Variants in GRM4 observed in about 807,000 individuals in gnomAD.
GRM4 encodes the protein glutamate metabotropic receptor 4.
GRM4 carries 28 observed loss-of-function variants against 81.7 expected under a neutral mutation model. The observed-to-expected ratio is 0.34, with a 90% confidence interval of 0.25 to 0.47. GRM4 has a LOEUF of 0.47. Among genes scored for constraint, GRM4 ranks in the 20% least tolerant of loss-of-function variants. The pLI is 1.00. For synonymous variants in GRM4, 488 were observed against 528.8 expected, an observed-to-expected ratio of 0.92 and a Z score of 1.06; for missense variants, 948 against 1,290.0, an observed-to-expected ratio of 0.73 and a Z score of 4.06.
chr6:34,079,569 C>T (rs1767479244), intron 3 of GRM4, among the ~76,000 whole-genome samples: 1 of 152,152 alleles, frequency 6.6e-6, no homozygotes, highest in Non-Finnish European at 1.5e-5. Context: ...GAAGAGACTG[C>T]ACTTCACAGA....
chr6:34,155,401 T>C, exon 1 of GRM4: 1 of 1,479,698 alleles, frequency 6.8e-7, no homozygotes, highest in Non-Finnish European at 9.0e-7. Context: ...CCTCCCACTC[T>C]CAGCATCTCC....
Position 34,068,125 on chromosome 6 carries a change from G to A in GRM4, c.737-6097C>T, listed in dbSNP as rs1487912627. ...AACATCCTGGAATCGGTGCAGAGGA[G>A]GACAGCAGCAGCATGACGTGCTGGA... On this transcript the variant is annotated intron_variant, in intron 3 of 10. Coordinates refer to ENST00000538487, the MANE Select transcript of GRM4 (RefSeq NM_000841.4). The surrounding 1 kb of genome is among the most constrained non-coding windows in gnomAD (Gnocchi z 4.2). Among the ~76,000 whole-genome samples, 1 of 152,242 alleles carries A rather than the reference G, an allele frequency of 6.6e-6. No homozygotes were observed. Among genetic ancestry groups the A allele is most frequent in the Non-Finnish European group, 1.5e-5 (1 of 68,036 alleles).
chr6:34,146,469 C>A (rs1044667901), upstream of GRM4, among the ~76,000 whole-genome samples: 1 of 152,230 alleles, frequency 6.6e-6, no homozygotes. Context: ...CCAGCTCGCC[C>A]CCTTCCCAGA....
intron 6 of GRM4, among the ~76,000 whole-genome samples, chr6:34,051,606 C>A (rs558968551): frequency 3.7e-4 from 57 of 152,218 alleles, no homozygotes; most frequent in African/African-American, 1.3e-3. Flanking sequence ...ACTTTAATTC[C>A]CAAACCCTGT....
At chr6:34,040,771 G>T in intron 6 of GRM4, 23 bp from the exon 7 acceptor site, 1 of 1,597,596 alleles carries the variant, frequency 6.3e-7, no homozygotes. Flanking sequence ...ACCAGGAACA[G>T]GGACACTCGT....
chr6:34,154,848 G>A (rs1771114979), intron 1 of GRM4, among the ~76,000 whole-genome samples: 1 of 152,230 alleles, frequency 6.6e-6, no homozygotes, highest in Non-Finnish European at 1.5e-5. Flanking sequence ...AGAAGAACGT[G>A]AGGAGCCTCG....
chr6:34,109,608 G>A (rs180996335), intron 2 of GRM4, among the ~76,000 whole-genome samples: 103 of 152,114 alleles, frequency 6.8e-4, no homozygotes, highest in African/African-American at 2.3e-3. Flanking sequence ...CTCAAAAGCC[G>A]ATTTCTGTTC....
At chr6:34,093,347 G>A (rs1768341596) in intron 2 of GRM4, among the ~76,000 whole-genome samples, 1 of 152,212 alleles carries the variant, frequency 6.6e-6, no homozygotes, top group South Asian at 2.1e-4. Flanking sequence ...AGGTTCTGCC[G>A]ACCTAGAAGC....
chr6:34,116,585 C>A (rs1446446582), intron 2 of GRM4, among the ~76,000 whole-genome samples: 3 of 152,150 alleles, frequency 2.0e-5, no homozygotes, highest in Admixed American at 6.6e-5. Flanking sequence ...AAGGTACAGT[C>A]TCTTTGGGAA....
At chr6:34,126,493 T>C (rs1358476030) in intron 2 of GRM4, among the ~76,000 whole-genome samples, 1 of 152,114 alleles carries the variant, frequency 6.6e-6, no homozygotes, top group Non-Finnish European at 1.5e-5. Context: ...CAATCCCCCC[T>C]GACTAGGAGC....
chr6:34,036,444 T>C lies in GRM4; in HGVS notation c.1666A>G (p.Thr556Ala). Residue 556 changes from threonine to alanine, a missense_variant, in exon 9 of 11, where the codon ACC (threonine) becomes GCC (alanine). By Grantham distance (58) the Thr-to-Ala change is moderately conservative. Transcript: ENST00000538487. The surrounding 1 kb of genome is among the most constrained non-coding windows in gnomAD (Gnocchi z 9.0). ...ATGTCATAGGGACACGTCTTACAGG[T>C]GTAGCGGTCCACCTGGTACTGGTAC... ...TGYQYQVDRY[T>A]CKTCPYDMRP... 1.9e-6 allele frequency: 3 copies of C among 1,613,572 alleles called. No individual in the cohort carries two copies. Among genetic ancestry groups the C allele is most frequent in the Non-Finnish European group, 2.5e-6 (3 of 1,179,870 alleles).
intron 2 of GRM4, among the ~76,000 whole-genome samples, chr6:34,102,958 T>C (rs1305975250): frequency 1.3e-5 from 2 of 152,174 alleles, no homozygotes; most frequent in Admixed American, 6.5e-5. Flanking sequence ...CTGCAGTAAG[T>C]GGGCCACCCA....
At chr6:34,066,504 T>C (rs976620297) in intron 3 of GRM4, among the ~76,000 whole-genome samples, 12 of 152,046 alleles carry the variant, frequency 7.9e-5, no homozygotes, top group African/African-American at 2.9e-4. Context: ...ATATGTACTA[T>C]ACATATATGA....
At chr6:34,155,398 C>T (rs1771132134) in exon 1 of GRM4, 3 of 1,479,388 alleles carry the variant, frequency 2.0e-6, no homozygotes, top group Admixed American at 4.4e-5. Flanking sequence ...CATCCTCCCA[C>T]TCTCAGCATC....
At chr6:34,142,826 G>C (rs1344971832) in intron 1 of GRM4, among the ~76,000 whole-genome samples, 1 of 152,214 alleles carries the variant, frequency 6.6e-6, no homozygotes, top group Admixed American at 6.5e-5. Context: ...GAGGGAGGAG[G>C]GGGGGAGGAG....
Position 34,040,603 on chromosome 6 carries a change from C to T in GRM4, c.1314G>A (p.Met438Ile). 1 of 1,614,114 alleles carries T rather than the reference C, an allele frequency of 6.2e-7. No individual in the cohort carries two copies. The highest frequency in any genetic ancestry group is 8.5e-7 in the Non-Finnish European group (1 of 1,179,982). The stretch of plus-strand genomic sequence containing the variant: ...GCAGCTGGGTGCCATCTACAGGGTC[C>T]ATGCGCGGGCAGAGCCCCACGCGGC... Reference protein sequence around the residue: ...CPGRVGLCPRMDPVDGTQLLK... With the variant: ...CPGRVGLCPRIDPVDGTQLLK... Residue 438 changes from methionine (M) to isoleucine (I), a missense_variant, in exon 7 of 11, where the codon ATG becomes ATA. Coordinates refer to ENST00000538487, the MANE Select transcript of GRM4 (RefSeq NM_000841.4).
intron 2 of GRM4, among the ~76,000 whole-genome samples, chr6:34,117,961 T>C (rs992150022): frequency 3.9e-5 from 6 of 152,126 alleles, no homozygotes; most frequent in Non-Finnish European, 8.8e-5. Flanking sequence ...GACCTAGCCA[T>C]TGAATGCCAG....
chr6:34,065,770 GGACCTTGGA>G (rs749526059), intron 3 of GRM4, among the ~76,000 whole-genome samples: 11 of 152,354 alleles, frequency 7.2e-5, no homozygotes, highest in Non-Finnish European at 1.6e-4. Flanking sequence ...AAGTCCGTGG[GGACCTTGGA>G]GACCTCCTGG....
At chr6:34,062,281 T>C (rs1007821298) in intron 3 of GRM4, 1 of 415,964 alleles carries the variant, frequency 2.4e-6, no homozygotes, top group African/African-American at 2.0e-5. Context: ...TTTCCCCATA[T>C]AGCAGCTAGA....
Sources: gnomAD v4.1 joint callset for allele counts (sites outside exome capture counted in the v4.1 genomes callset) on GRCh38, gnomAD v4.1.1 for gene constraint, Gnocchi (gnomAD v3.1) non-coding constraint, MANE v1.5 for transcripts, NCBI Gene and HGNC (gene_info 2026-07-23, HGNC 2026-07-21) for gene names.